PAK5: variants seen among roughly 807,000 people sequenced by gnomAD.
PAK5 encodes the protein p21 (RAC1) activated kinase 5.
In PAK5, 16 loss-of-function variants were observed where a neutral mutation model predicts 65.9. The ratio of observed to expected loss-of-function variants is 0.24; its 90% confidence interval spans 0.16 to 0.37. The LOEUF is 0.37. Among genes scored for constraint, PAK5 ranks in the 10% least tolerant of loss-of-function variants. The pLI is 1.00. For missense variants in PAK5, 785 were observed against 903.9 expected (o/e 0.87, Z 1.69); for synonymous variants, 371 against 354.9 (o/e 1.05, Z -0.51).
intron 1 of PAK5, among the ~76,000 whole-genome samples, chr20:9,801,352 T>G (rs2049166534): frequency 6.6e-6 from 1 of 151,900 alleles, no homozygotes; most frequent in Non-Finnish European, 1.5e-5. Context: ...TATTTAAATC[T>G]GGTTCTTATG....
intron 2 of PAK5, among the ~76,000 whole-genome samples, chr20:9,697,663 G>A (rs1250528017): frequency 6.6e-6 from 1 of 152,016 alleles, no homozygotes; most frequent in East Asian, 1.9e-4. Context: ...GCTACTTGAA[G>A]GCTAGAACCA....
chr20:9,665,979 G>C (rs1398038941), intron 2 of PAK5, among the ~76,000 whole-genome samples: 4 of 152,052 alleles, frequency 2.6e-5, no homozygotes, highest in African/African-American at 9.7e-5. Flanking sequence ...TATTAAGAAA[G>C]AGAAATAAGC....
chr20:9,657,090 A>G (rs1165702648), intron 2 of PAK5, among the ~76,000 whole-genome samples: 2 of 152,172 alleles, frequency 1.3e-5, no homozygotes, highest in Admixed American at 6.5e-5. Flanking sequence ...ATCAGTGTAT[A>G]GAACTGTTCT....
At chr20:9,654,570 C>T (rs958805044) in intron 2 of PAK5, among the ~76,000 whole-genome samples, 2 of 152,080 alleles carry the variant, frequency 1.3e-5, no homozygotes, top group Non-Finnish European at 2.9e-5. Flanking sequence ...AGTTTTCCAC[C>T]CTGTAGGCAG....
intron 4 of PAK5, 45 bp from the exon 5 acceptor site, chr20:9,566,429 G>C: frequency 6.4e-7 from 1 of 1,568,964 alleles, no homozygotes; most frequent in Non-Finnish European, 8.7e-7. Context: ...TGCTGGATCT[G>C]AATGCCACAG....
At chr20:9,571,028 G>A (rs963025592) in intron 4 of PAK5, among the ~76,000 whole-genome samples, 4 of 152,216 alleles carry the variant, frequency 2.6e-5, no homozygotes. Context: ...AGACAAAAAG[G>A]TGCTGTTGTC....
At chr20:9,615,796 C>T (rs1305751721) in intron 3 of PAK5, among the ~76,000 whole-genome samples, 1 of 152,174 alleles carries the variant, frequency 6.6e-6, no homozygotes, top group Non-Finnish European at 1.5e-5. Flanking sequence ...GGCACAAGGG[C>T]CAGACATCCA....
chr20:9,540,737 C>CTT (rs1168963029), intron 9 of PAK5, among the ~76,000 whole-genome samples: 22 of 138,230 alleles, frequency 1.6e-4, no homozygotes, highest in African/African-American at 2.9e-4. Context: ...TTTTTAGTCA[C>CTT]TTTTTTTTTT....
intron 3 of PAK5, among the ~76,000 whole-genome samples, chr20:9,588,757 A>T (rs1001951542): frequency 3.3e-5 from 5 of 152,180 alleles, no homozygotes; most frequent in African/African-American, 1.2e-4. Context: ...GGATTGGTGG[A>T]TTTTATGCCA....
rs948316639 is a variant in PAK5, at chr20:9,641,085, C to T, written c.204+3040G>A. Among the ~76,000 whole-genome samples the T allele has an allele frequency of 7.0e-4, 107 of 152,058 alleles. 1 individual carries two copies. The highest frequency in any genetic ancestry group is 2.4e-3 in the African/African-American group (101 of 41,496). ...TGTTTTGTCAGGGTGCTGATTGGTG[C>T]GTTTACAATCCCTGAGCTAGATACA... is the stretch of plus-strand genomic sequence containing the variant. On this transcript the variant is annotated intron_variant, in intron 3 of 9. Transcript: ENST00000353224.
At chr20:9,728,463 T>G (rs746260447) in intron 1 of PAK5, among the ~76,000 whole-genome samples, 22 of 152,266 alleles carry the variant, frequency 1.4e-4, no homozygotes, top group Middle Eastern at 3.4e-3. Flanking sequence ...TGTGCACACA[T>G]CTGTATTATA....
intron 1 of PAK5, among the ~76,000 whole-genome samples, chr20:9,806,089 CAAGCAGCTGGGA>C (rs1474139860): frequency 2.0e-5 from 3 of 152,144 alleles, no homozygotes; most frequent in African/African-American, 7.2e-5. Flanking sequence ...CTCAGCCTCC[CAAGCAGCTGGGA>C]CTACAGGCAT....
intron 1 of PAK5, among the ~76,000 whole-genome samples, chr20:9,773,236 CT>C (rs1054774688): frequency 4.0e-5 from 6 of 151,878 alleles, no homozygotes; most frequent in African/African-American, 1.5e-4. Context: ...TCTTTAAGTT[CT>C]TTTTTTTAAT....
At chr20:9,653,352 G>T (rs899443960) in intron 2 of PAK5, among the ~76,000 whole-genome samples, 2 of 152,110 alleles carry the variant, frequency 1.3e-5, no homozygotes, top group African/African-American at 4.8e-5. Context: ...TTATGCCAAT[G>T]AGCCCAAATA....
At chr20:9,704,493 G>GCTGC (rs2047980932) in intron 2 of PAK5, among the ~76,000 whole-genome samples, 1 of 152,076 alleles carries the variant, frequency 6.6e-6, no homozygotes, top group South Asian at 2.1e-4. Flanking sequence ...TTGTAATGCT[G>GCTGC]CTGCCTGCCT....
intron 2 of PAK5, among the ~76,000 whole-genome samples, chr20:9,690,082 A>G (rs2047771730): frequency 6.6e-6 from 1 of 152,230 alleles, no homozygotes; most frequent in Non-Finnish European, 1.5e-5. Flanking sequence ...CAACAGTATC[A>G]TAAAAATAGG....
At chr20:9,541,798 G>C (rs1237560838) in intron 9 of PAK5, among the ~76,000 whole-genome samples, 10 of 152,092 alleles carry the variant, frequency 6.6e-5, no homozygotes, top group Admixed American at 6.6e-4. Context: ...TGGGTCATGG[G>C]GGCAGTTTAC....
chr20:9,656,537 T>C (rs956532721), intron 2 of PAK5, among the ~76,000 whole-genome samples: 1 of 152,164 alleles, frequency 6.6e-6, no homozygotes, highest in Non-Finnish European at 1.5e-5. Context: ...CCAAGTACTA[T>C]AGGCAAGGTA....
intron 1 of PAK5, among the ~76,000 whole-genome samples, chr20:9,812,948 G>C (rs1166559797): frequency 1.3e-5 from 2 of 151,662 alleles, no homozygotes; most frequent in African/African-American, 4.8e-5. Flanking sequence ...CAACTATTAG[G>C]TATCCATAAA....
Sources: gnomAD v4.1 joint callset for allele counts (sites outside exome capture counted in the v4.1 genomes callset) on GRCh38, gnomAD v4.1.1 for gene constraint, MANE v1.5 for transcripts, NCBI Gene and HGNC (gene_info 2026-07-23, HGNC 2026-07-21) for gene names.